AGMO: variants seen among roughly 807,000 people sequenced by gnomAD.
AGMO encodes alkylglycerol monooxygenase.
AGMO carries 75 observed loss-of-function variants against 60.2 expected under a neutral mutation model. The ratio of observed to expected loss-of-function variants is 1.25; its 90% CI spans 1.03 to 1.51. AGMO has a LOEUF of 1.51. Ranked by LOEUF, AGMO falls within the 40% of genes most tolerant of loss-of-function variation. The pLI, the probability that AGMO is intolerant of heterozygous loss-of-function variation, is 0.00. For synonymous variants in AGMO, 261 were observed against 177.1 expected, an observed-to-expected ratio of 1.47 and a Z score of -3.76; for missense variants, 763 against 525.5, an observed-to-expected ratio of 1.45 and a Z score of -4.42.
At chr7:15,387,680 G>A (rs774699380) in intron 8 of AGMO, 140 bp from the exon 9 acceptor site, 1 of 697,788 alleles carries the variant, frequency 1.4e-6, no homozygotes. Flanking sequence ...ACAGAAATGT[G>A]TAATTGCATT....
At chr7:15,538,757 G>C (rs1256696584) in intron 3 of AGMO, among the ~76,000 whole-genome samples, 6 of 152,058 alleles carry the variant, frequency 3.9e-5, no homozygotes, top group Non-Finnish European at 7.4e-5. Flanking sequence ...TTGAAATTAG[G>C]ATAATCTAAC....
rs57577683 is a variant in AGMO at position 15,243,021 on chromosome 7, T to C, written c.1264-41662A>G. On this transcript the variant is annotated intron_variant, in intron 12 of 12. Transcript: ENST00000342526. ...TGTCAGTGGGGGGAGGTGAAAGGAA[T>C]TTAATGTATCACTTTAAATGGCTAT... is the stretch of plus-strand genomic sequence containing the variant. Among the ~76,000 whole-genome samples the C allele has an allele frequency of 1.4e-3, 213 of 152,152 alleles. 2 individuals are homozygous for C. The highest frequency in any genetic ancestry group is 4.8e-3 in the African/African-American group (201 of 41,530).
intron 3 of AGMO, among the ~76,000 whole-genome samples, chr7:15,516,096 A>C (rs976782042): frequency 2.0e-5 from 3 of 152,216 alleles, no homozygotes; most frequent in Non-Finnish European, 4.4e-5. Context: ...TCCACAATGT[A>C]TACATATTTC....
chr7:15,157,652 AGG>A, the AGMO span, among the ~76,000 whole-genome samples: 1 of 152,266 alleles, frequency 6.6e-6, no homozygotes, highest in African/African-American at 2.4e-5. Context: ...TCACCTCCAA[AGG>A]GGGACAAGCC....
chr7:15,532,329 T>C (rs1483047509), intron 3 of AGMO, among the ~76,000 whole-genome samples: 1 of 152,216 alleles, frequency 6.6e-6, no homozygotes, highest in Non-Finnish European at 1.5e-5. Flanking sequence ...GCAAAGCCCA[T>C]AGGCTCTGAG....
chr7:15,174,425 T>C, the AGMO span, among the ~76,000 whole-genome samples: 2,153 of 152,164 alleles, frequency 0.014, 41 homozygotes, highest in African/African-American at 0.049. Context: ...AGAATAAAAA[T>C]AAATTTTAAG....
chr7:15,484,283 T>C (rs964003556), intron 3 of AGMO, among the ~76,000 whole-genome samples: 3 of 152,232 alleles, frequency 2.0e-5, no homozygotes, highest in Admixed American at 6.5e-5. Context: ...GCTATACTCA[T>C]TGAAAATATT....
intron 12 of AGMO, among the ~76,000 whole-genome samples, chr7:15,273,950 T>TGTGATTTTTGTACA (rs1783699729): frequency 6.6e-6 from 1 of 152,174 alleles, no homozygotes; most frequent in Non-Finnish European, 1.5e-5. Flanking sequence ...TAAGAATGCT[T>TGTGATTTTTGTACA]GTGATTTTTG....
chr7:15,435,311 T>A (rs898996669), intron 3 of AGMO, among the ~76,000 whole-genome samples: 1 of 142,186 alleles, frequency 7.0e-6, no homozygotes, highest in Non-Finnish European at 1.5e-5. Flanking sequence ...AAAGTGGCTG[T>A]GCCTTTTTTT....
chr7:15,541,094 G>C (rs945824638), intron 3 of AGMO, among the ~76,000 whole-genome samples: 2 of 152,072 alleles, frequency 1.3e-5, no homozygotes, highest in Non-Finnish European at 2.9e-5. Flanking sequence ...TAATATGCCA[G>C]TTGTTTTTTT....
At chr7:15,448,778 G>T (rs998695558) in intron 3 of AGMO, among the ~76,000 whole-genome samples, 1 of 152,190 alleles carries the variant, frequency 6.6e-6, no homozygotes, top group Admixed American at 6.5e-5. Flanking sequence ...GCAGTCAGCT[G>T]TGAGGAGAGT....
In AGMO at chr7:15,248,890, C is replaced by T. The variant is rs183681421; in HGVS notation, c.1264-47531G>A. ...CGCCAATCACTGCAATGTAAGAAAA[C>T]GTCCTATTTTACTCTCTGATTTCTT... is the stretch of plus-strand genomic sequence containing the variant. On this transcript the variant is annotated intron_variant, in intron 12 of 12. Coordinates refer to ENST00000342526, the MANE Select transcript of AGMO (RefSeq NM_001004320.2). 4.6e-5 allele frequency among the ~76,000 whole-genome samples: 7 copies of T among 152,282 alleles called. No individual in the cohort carries two copies. The East Asian group carries it at 5.8e-4, about 13-fold the overall frequency.
intron 10 of AGMO, among the ~76,000 whole-genome samples, chr7:15,383,170 A>T (rs1783764202): frequency 6.6e-6 from 1 of 151,874 alleles, no homozygotes; most frequent in South Asian, 2.1e-4. Context: ...GGGTATTTTC[A>T]CTTGTGGGGT....
In AGMO at chr7:15,354,800, T is replaced by G. The variant is rs532377577; in HGVS notation, c.1263+10714A>C. On this transcript the variant is annotated intron_variant, in intron 12 of 12. Transcript: ENST00000342526. The stretch of plus-strand genomic sequence containing the variant: ...CCCCAGTGTTTACGTTTTACGCTAT[T>G]CCCTGAATTTTTTCTCGTAATTCAC... Among the ~76,000 whole-genome samples, 677 of 151,516 alleles carry G rather than the reference T, an allele frequency of 4.5e-3. 3 individuals are homozygous for G. The highest frequency in any genetic ancestry group is 7.4e-3 in the Non-Finnish European group (504 of 67,844).
rs182535694 is a variant in AGMO at position 15,495,986 on chromosome 7, G to A, written c.409+48786C>T. On this transcript the variant is annotated intron_variant, in intron 3 of 12. Transcript: ENST00000342526. Reference sequence around the variant, plus strand: ...AATCTGAATCTTGGTCACACTCCAAGTACCATTACTGGAGATTACAGCTTC... The same window carrying A: ...AATCTGAATCTTGGTCACACTCCAAATACCATTACTGGAGATTACAGCTTC... 5.6e-3 allele frequency among the ~76,000 whole-genome samples: 850 copies of A among 152,150 alleles called. 10 individuals are homozygous for A. The highest frequency in any genetic ancestry group is 6.7e-3 in the Admixed American group (102 of 15,280).
chr7:15,178,494 T>C, the AGMO span, among the ~76,000 whole-genome samples: 1 of 152,128 alleles, frequency 6.6e-6, no homozygotes, highest in African/African-American at 2.4e-5. Flanking sequence ...GTAGACCTTT[T>C]TTTGTTGTTT....
At chr7:15,137,879 G>A in the AGMO span, among the ~76,000 whole-genome samples, 1 of 151,050 alleles carries the variant, frequency 6.6e-6, no homozygotes, top group African/African-American at 2.5e-5. Context: ...AACAGGCAAT[G>A]AAACAATGTA....
chr7:15,217,924 G>A (rs917317883), intron 12 of AGMO, among the ~76,000 whole-genome samples: 1 of 151,870 alleles, frequency 6.6e-6, no homozygotes, highest in African/African-American at 2.4e-5. Context: ...CGATTCAGGG[G>A]TACATATGAA....
At chr7:15,457,011 G>A (rs768938831) in intron 3 of AGMO, among the ~76,000 whole-genome samples, 1 of 152,106 alleles carries the variant, frequency 6.6e-6, no homozygotes, top group Admixed American at 6.6e-5. Context: ...TTGGAAGCCA[G>A]TATCCATGTT....
Sources: gnomAD v4.1 joint callset for allele counts (sites outside exome capture counted in the v4.1 genomes callset) on GRCh38, gnomAD v4.1.1 for gene constraint, MANE v1.5 for transcripts, NCBI Gene and HGNC (gene_info 2026-07-23, HGNC 2026-07-21) for gene names.